The following CTIF variants were observed in gnomAD, a reference collection of about 807,000 sequenced individuals.
The protein encoded by CTIF is CBP80/20-dependent translation initiation factor.
In CTIF, 21 loss-of-function variants were observed where a neutral mutation model predicts 66.0. The observed-to-expected ratio is 0.32, with a 90% CI of 0.23 to 0.46. The LOEUF is 0.46. Among genes scored for constraint, CTIF ranks in the 20% least tolerant of loss-of-function variants. CTIF has a pLI of 1.00. For synonymous variants in CTIF, 345 were observed against 326.4 expected (o/e 1.06, Z -0.62); for missense variants, 739 against 812.7 (o/e 0.91, Z 1.10).
intron 6 of CTIF, among the ~76,000 whole-genome samples, chr18:48,708,417 G>GCTGAT (rs141263663): frequency 0.028 from 4,336 of 152,322 alleles, 62 homozygotes; most frequent in Middle Eastern, 0.068. Context: ...GAACAAGATG[G>GCTGAT]CTGATTTTGA....
intron 9 of CTIF, among the ~76,000 whole-genome samples, chr18:48,778,918 A>G (rs1018643961): frequency 6.6e-6 from 1 of 152,168 alleles, no homozygotes; most frequent in Non-Finnish European, 1.5e-5. Flanking sequence ...CTGGCTGACA[A>G]TGATGCCACA....
At chr18:48,768,839 G>C (rs890458240) in intron 9 of CTIF, among the ~76,000 whole-genome samples, 1 of 152,178 alleles carries the variant, frequency 6.6e-6, no homozygotes, top group African/African-American at 2.4e-5. Context: ...CAGGAGTCAA[G>C]GCTGCAGAGA....
intron 9 of CTIF, among the ~76,000 whole-genome samples, chr18:48,796,797 G>A (rs1355972965): frequency 1.3e-5 from 2 of 152,200 alleles, no homozygotes; most frequent in Admixed American, 1.3e-4. Context: ...ATTTGTAAGT[G>A]CACTCCTACT....
chr18:48,836,935 G>A (rs1157206605), intron 10 of CTIF, among the ~76,000 whole-genome samples: 1 of 152,226 alleles, frequency 6.6e-6, no homozygotes, highest in African/African-American at 2.4e-5. Context: ...TCAGCTACTA[G>A]TCCTGCATCC....
At chr18:48,765,407 G>T (rs1048340292) in intron 9 of CTIF, among the ~76,000 whole-genome samples, 1 of 152,088 alleles carries the variant, frequency 6.6e-6, no homozygotes, top group African/African-American at 2.4e-5. Flanking sequence ...TCTGGGCCCC[G>T]GCTTAGCAAT....
chr18:48,773,164 A>G (rs569205190), intron 9 of CTIF, among the ~76,000 whole-genome samples: 68 of 152,318 alleles, frequency 4.5e-4, no homozygotes, highest in Non-Finnish European at 7.9e-4. Flanking sequence ...GTAGACTTGC[A>G]GGAAGGATCT....
intron 1 of CTIF, among the ~76,000 whole-genome samples, chr18:48,549,957 C>T (rs2145524244): frequency 6.6e-6 from 1 of 152,132 alleles, no homozygotes; most frequent in South Asian, 2.1e-4. Flanking sequence ...TTTTTTATAT[C>T]TCAATATTGT....
At chr18:48,599,794 G>A (rs1320590486) in intron 1 of CTIF, among the ~76,000 whole-genome samples, 1 of 152,222 alleles carries the variant, frequency 6.6e-6, no homozygotes, top group African/African-American at 2.4e-5. Flanking sequence ...ACCATGTGCT[G>A]GAGTTAGGAG....
At chr18:48,638,496 C>T (rs1268332576) in intron 3 of CTIF, among the ~76,000 whole-genome samples, 2 of 152,086 alleles carry the variant, frequency 1.3e-5, no homozygotes, top group Non-Finnish European at 2.9e-5. Context: ...CCCTTTCTCC[C>T]CTCATCTGCC....
chr18:48,574,995 G>C (rs866147472), intron 1 of CTIF, among the ~76,000 whole-genome samples: 4 of 152,210 alleles, frequency 2.6e-5, no homozygotes, highest in Non-Finnish European at 4.4e-5. Flanking sequence ...GTGATGACAG[G>C]TGTTGGGAAC....
chr18:48,744,131 C>T (rs1011645426), intron 7 of CTIF, among the ~76,000 whole-genome samples: 2 of 152,188 alleles, frequency 1.3e-5, no homozygotes, highest in Admixed American at 1.3e-4. Context: ...ACCCTTCAGA[C>T]TGTGCCCAGA....
chr18:48,727,301 C>T (rs377599606), intron 7 of CTIF, among the ~76,000 whole-genome samples: 7 of 152,292 alleles, frequency 4.6e-5, no homozygotes, highest in Middle Eastern at 3.4e-3. Context: ...AGGCTGTCTC[C>T]GCCCTCTGCA....
At chr18:48,710,160 G>A (rs1439618579) in intron 6 of CTIF, among the ~76,000 whole-genome samples, 1 of 152,214 alleles carries the variant, frequency 6.6e-6, no homozygotes. Flanking sequence ...CCTGAATCCC[G>A]AGGGCTGCAT....
At chr18:48,710,225 G>A (rs2092209033) in intron 6 of CTIF, among the ~76,000 whole-genome samples, 1 of 152,236 alleles carries the variant, frequency 6.6e-6, no homozygotes, top group African/African-American at 2.4e-5. Flanking sequence ...TCACTGTGTG[G>A]CCACTCTGGG....
At chr18:48,542,660 C>A (rs1438574385) in intron 1 of CTIF, among the ~76,000 whole-genome samples, 2 of 152,116 alleles carry the variant, frequency 1.3e-5, no homozygotes, top group Non-Finnish European at 2.9e-5. Context: ...CAGGAGGGAA[C>A]AAATCATAAA....
At chr18:48,833,194 C>T (rs1432606228) in intron 10 of CTIF, among the ~76,000 whole-genome samples, 2 of 152,194 alleles carry the variant, frequency 1.3e-5, no homozygotes, top group East Asian at 3.8e-4. Flanking sequence ...GATTAGCTGA[C>T]TGGAAAGCAA....
intron 1 of CTIF, among the ~76,000 whole-genome samples, chr18:48,581,891 G>A (rs2089665614): frequency 6.6e-6 from 1 of 152,152 alleles, no homozygotes; most frequent in Admixed American, 6.5e-5. Flanking sequence ...AATAAGTGCT[G>A]GGGGCTTTCA....
At chr18:48,818,020 A>G (rs1427809687) in intron 10 of CTIF, among the ~76,000 whole-genome samples, 1 of 152,244 alleles carries the variant, frequency 6.6e-6, no homozygotes, top group Non-Finnish European at 1.5e-5. Flanking sequence ...CTGGTTTGCC[A>G]CTGGATTATT....
At chr18:48,789,144 T>C (rs955332607) in intron 9 of CTIF, among the ~76,000 whole-genome samples, 1 of 152,202 alleles carries the variant, frequency 6.6e-6, no homozygotes, top group Non-Finnish European at 1.5e-5. Flanking sequence ...ATTGCTTCCT[T>C]GGCAGGAAGT....
Sources: allele counts gnomAD v4.1 joint callset (sites outside exome capture counted in the v4.1 genomes callset), GRCh38; gene constraint gnomAD v4.1.1; transcripts MANE v1.5; gene names NCBI Gene and HGNC (gene_info 2026-07-23, HGNC 2026-07-21).